The following PDE7B variants were observed in gnomAD, a reference collection of about 807,000 sequenced individuals.
PDE7B encodes 3',5'-cyclic-AMP phosphodiesterase 7B.
A neutral mutation model predicts 56.2 loss-of-function variants in PDE7B; 29 were observed. The ratio of observed to expected loss-of-function variants is 0.52; its 90% CI spans 0.38 to 0.70. The LOEUF is 0.70. PDE7B is among the 30% of genes least tolerant of loss of function. PDE7B has a pLI of 0.00. For synonymous variants in PDE7B, 197 were observed against 196.9 expected, an observed-to-expected ratio of 1.00 and a Z score of 0.00; for missense variants, 490 against 565.0, an observed-to-expected ratio of 0.87 and a Z score of 1.35.
chr6:135,879,579 G>A (rs934148263), intron 1 of PDE7B, among the ~76,000 whole-genome samples: 7 of 151,856 alleles, frequency 4.6e-5, no homozygotes, highest in South Asian at 2.1e-4. Context: ...ACCAATACTC[G>A]TCTCAGTAGC....
At chr6:136,022,868 A>C (rs1776094596) in intron 2 of PDE7B, among the ~76,000 whole-genome samples, 1 of 152,086 alleles carries the variant, frequency 6.6e-6, no homozygotes, top group Non-Finnish European at 1.5e-5. Flanking sequence ...AGATTCACTT[A>C]CCTTGCCAGG....
intron 2 of PDE7B, among the ~76,000 whole-genome samples, chr6:136,061,297 G>A (rs376988770): frequency 6.6e-6 from 1 of 152,074 alleles, no homozygotes; most frequent in African/African-American, 2.4e-5. Context: ...TATTCACACC[G>A]TTACATTTAG....
chr6:136,128,472 T>C (rs1305542502), intron 3 of PDE7B, among the ~76,000 whole-genome samples: 1 of 152,128 alleles, frequency 6.6e-6, no homozygotes, highest in East Asian at 1.9e-4. Context: ...TGTCTTAATC[T>C]TTTGGTACTC....
At chr6:135,907,633 T>C (rs967261953) in intron 1 of PDE7B, among the ~76,000 whole-genome samples, 3 of 152,108 alleles carry the variant, frequency 2.0e-5, no homozygotes, top group African/African-American at 7.2e-5. Context: ...CATTAACTGT[T>C]TCTATATGCC....
chr6:136,122,023 T>A (rs962320494), intron 3 of PDE7B, among the ~76,000 whole-genome samples: 2 of 151,128 alleles, frequency 1.3e-5, no homozygotes, highest in African/African-American at 4.9e-5. Flanking sequence ...TGAGACGGAG[T>A]CTTGCTGTGT....
chr6:135,949,268 C>T (rs1173758163), intron 2 of PDE7B, among the ~76,000 whole-genome samples: 2 of 151,944 alleles, frequency 1.3e-5, no homozygotes, highest in Non-Finnish European at 2.9e-5. Context: ...TTTCTGTGTC[C>T]TGTCTTCCAT....
At chr6:136,088,366 A>T (rs1777327216) in intron 2 of PDE7B, among the ~76,000 whole-genome samples, 1 of 152,210 alleles carries the variant, frequency 6.6e-6, no homozygotes, top group African/African-American at 2.4e-5. Context: ...TCTGCAGAAC[A>T]TCAACAATTA....
At chr6:135,898,452 CCAGAGA>C (rs1433100398) in intron 1 of PDE7B, among the ~76,000 whole-genome samples, 8 of 151,740 alleles carry the variant, frequency 5.3e-5, no homozygotes, top group African/African-American at 1.5e-4. Context: ...ATCATGTCCC[CCAGAGA>C]CAGAATATTT....
intron 1 of PDE7B, among the ~76,000 whole-genome samples, chr6:135,926,100 GA>G (rs1405255859): frequency 0.014 from 676 of 49,122 alleles, 9 homozygotes; most frequent in African/African-American, 0.023. Context: ...GGGGGGGGGG[GA>G]GGGGGGATGG....
At chr6:135,926,294 A>C (rs149270066) in intron 1 of PDE7B, among the ~76,000 whole-genome samples, 2 of 152,072 alleles carry the variant, frequency 1.3e-5, no homozygotes, top group African/African-American at 2.4e-5. Context: ...TCACCGTGTT[A>C]GCCAGGATGG....
At chr6:135,986,386 A>G (rs1463718248) in intron 2 of PDE7B, among the ~76,000 whole-genome samples, 2 of 152,226 alleles carry the variant, frequency 1.3e-5, no homozygotes, top group African/African-American at 2.4e-5. Flanking sequence ...TGTTTATTTA[A>G]AGGAAAACAT....
At chr6:135,997,287 A>G (rs533822757) in intron 2 of PDE7B, among the ~76,000 whole-genome samples, 7 of 151,284 alleles carry the variant, frequency 4.6e-5, no homozygotes, top group Non-Finnish European at 1.0e-4. Flanking sequence ...GGTGGCATGC[A>G]CCTGTAGTCC....
chr6:136,094,342 C>T (rs1777438772), intron 2 of PDE7B: 1 of 152,718 alleles, frequency 6.5e-6, no homozygotes, highest in Non-Finnish European at 1.5e-5. Flanking sequence ...CCCTCATCCC[C>T]TCACACTCCT....
intron 2 of PDE7B, among the ~76,000 whole-genome samples, chr6:136,075,436 G>A (rs1035344220): frequency 6.6e-6 from 1 of 152,146 alleles, no homozygotes; most frequent in Non-Finnish European, 1.5e-5. Context: ...AGATGTTGTA[G>A]AAATAGCACA....
At chr6:135,863,691 A>G (rs72971652) in intron 1 of PDE7B, among the ~76,000 whole-genome samples, 6,902 of 138,848 alleles carry the variant, frequency 0.05, 220 homozygotes, top group East Asian at 0.14. Context: ...CATCCCTTCC[A>G]ATTTTTTTTT....
At chr6:135,980,190 A>G (rs1313956102) in intron 2 of PDE7B, among the ~76,000 whole-genome samples, 1 of 152,218 alleles carries the variant, frequency 6.6e-6, no homozygotes, top group Admixed American at 6.5e-5. Flanking sequence ...AGCAATGAGG[A>G]AAGGATTCCC....
chr6:135,967,105 G>C (rs535271322), intron 2 of PDE7B, among the ~76,000 whole-genome samples: 3 of 152,106 alleles, frequency 2.0e-5, no homozygotes, highest in Non-Finnish European at 4.4e-5. Flanking sequence ...TCTATGAGTT[G>C]TTTCATGCTT....
At chr6:135,956,466 G>T (rs1194896115) in intron 2 of PDE7B, among the ~76,000 whole-genome samples, 2 of 152,102 alleles carry the variant, frequency 1.3e-5, no homozygotes, top group East Asian at 3.9e-4. Flanking sequence ...GGAGCTGAGG[G>T]CACTCCTCTG....
chr6:135,977,855 A>G (rs1775218622), intron 2 of PDE7B, among the ~76,000 whole-genome samples: 1 of 152,118 alleles, frequency 6.6e-6, no homozygotes, highest in Non-Finnish European at 1.5e-5. Context: ...TTTGCCATGA[A>G]AGTAATGGCA....
Sources: gnomAD v4.1 joint callset for allele counts (sites outside exome capture counted in the v4.1 genomes callset) on GRCh38, gnomAD v4.1.1 for gene constraint, MANE v1.5 for transcripts, NCBI Gene and HGNC (gene_info 2026-07-23, HGNC 2026-07-21) for gene names.